CDH8: variants seen among roughly 807,000 people sequenced by gnomAD.
CDH8 encodes cadherin 8.
A neutral mutation model predicts 68.1 loss-of-function variants in CDH8; 17 were observed. That is an observed-to-expected ratio of 0.25 (90% confidence interval 0.17 to 0.37). CDH8 has a LOEUF of 0.37. CDH8 is among the 10% of genes least tolerant of loss of function. CDH8 has a pLI of 1.00. For missense variants in CDH8, 763 were observed against 999.3 expected (o/e 0.76, Z 3.19); for synonymous variants, 372 against 365.1 (o/e 1.02, Z -0.21).
intron 8 of CDH8, among the ~76,000 whole-genome samples, chr16:61,760,208 T>C (rs958937585): frequency 1.3e-5 from 2 of 152,170 alleles, no homozygotes; most frequent in African/African-American, 4.8e-5. Context: ...TTGAACAAAT[T>C]AATTGGTTAC....
chr16:61,985,376 G>A lies in CDH8; in HGVS notation c.252+35776C>T, dbSNP rs188633853. ...CTACATGTCAAGTATTTAGCCACAA[G>A]TAGCTAATTGCTGGCATAGTAGACA... is the stretch of plus-strand genomic sequence containing the variant. On this transcript the variant is annotated intron_variant, in intron 2 of 11. Coordinates refer to ENST00000577390, the MANE Select transcript of CDH8 (RefSeq NM_001796.5). 6.0e-3 allele frequency among the ~76,000 whole-genome samples: 907 copies of A among 152,286 alleles called. 5 individuals carry two copies. The highest frequency in any genetic ancestry group is 9.0e-3 in the Non-Finnish European group (612 of 68,036).
intron 4 of CDH8, among the ~76,000 whole-genome samples, chr16:61,838,872 C>A (rs1450290059): frequency 6.6e-6 from 1 of 152,046 alleles, no homozygotes; most frequent in East Asian, 1.9e-4. Flanking sequence ...ATCATGAAGT[C>A]CCTGAATTGT....
chr16:61,739,901 A>ATATATATATATATATATATC (rs1959813842), intron 8 of CDH8, among the ~76,000 whole-genome samples: 1 of 90,414 alleles, frequency 1.1e-5, no homozygotes, highest in African/African-American at 5.3e-5. Flanking sequence ...ATATATATAT[A>ATATATATATATATATATATC]TATATATATA....
chr16:62,001,407 C>T (rs1216154624), intron 2 of CDH8, among the ~76,000 whole-genome samples: 1 of 152,072 alleles, frequency 6.6e-6, no homozygotes, highest in Non-Finnish European at 1.5e-5. Context: ...AACAGGAGAC[C>T]GGCCCTTCAG....
intron 8 of CDH8, among the ~76,000 whole-genome samples, chr16:61,728,605 A>T (rs186584334): frequency 6.6e-6 from 1 of 151,114 alleles, no homozygotes; most frequent in Non-Finnish European, 1.5e-5. Flanking sequence ...CTAAATAGAC[A>T]TTTAACTTAT....
At chr16:61,760,774 T>C (rs1960445137) in intron 8 of CDH8, among the ~76,000 whole-genome samples, 1 of 152,162 alleles carries the variant, frequency 6.6e-6, no homozygotes, top group South Asian at 2.1e-4. Flanking sequence ...CATGAGGCAG[T>C]ATAAGAAACA....
At chr16:61,730,682 G>T (rs1243265039) in intron 8 of CDH8, among the ~76,000 whole-genome samples, 1 of 151,550 alleles carries the variant, frequency 6.6e-6, no homozygotes, top group Admixed American at 6.6e-5. Flanking sequence ...GATATTTCTA[G>T]ATGTTTCCTC....
chr16:61,755,175 A>T (rs988517366), intron 8 of CDH8, among the ~76,000 whole-genome samples: 1 of 152,198 alleles, frequency 6.6e-6, no homozygotes. Flanking sequence ...GCCTCAGGTA[A>T]ATTCAGGCCC....
chr16:61,664,045 G>C (rs1218994220), intron 10 of CDH8, among the ~76,000 whole-genome samples: 1 of 151,856 alleles, frequency 6.6e-6, no homozygotes, highest in Admixed American at 6.6e-5. Context: ...TTCTCTGTAT[G>C]TTCCAGATAT....
chr16:61,995,407 T>G (rs144912014), intron 2 of CDH8, among the ~76,000 whole-genome samples: 1,831 of 152,230 alleles, frequency 0.012, 42 homozygotes, highest in African/African-American at 0.042. Flanking sequence ...AGATGGAGTC[T>G]CATTCTGTCA....
At chr16:61,865,887 G>A (rs1463462306) in intron 3 of CDH8, among the ~76,000 whole-genome samples, 1 of 152,112 alleles carries the variant, frequency 6.6e-6, no homozygotes, top group African/African-American at 2.4e-5. Flanking sequence ...TTATGCTACT[G>A]GTGGCACCAC....
At position 61,870,906 on chromosome 16, in the gene CDH8, T is replaced by C. The variant is rs1173296625; in HGVS notation, c.548-13668A>G. ...AAATATAAAGGAGCTTCTATGTTTCTGGTACAAGTACTTATTTACTTGATA... is the reference window on the plus strand; with the variant it reads ...AAATATAAAGGAGCTTCTATGTTTCCGGTACAAGTACTTATTTACTTGATA... On this transcript the variant is annotated intron_variant, in intron 3 of 11. Coordinates refer to ENST00000577390, the MANE Select transcript of CDH8 (RefSeq NM_001796.5). 2.0e-5 allele frequency among the ~76,000 whole-genome samples: 3 copies of C among 152,326 alleles called. 1 individual carries two copies. In the East Asian group the frequency reaches 5.8e-4, roughly 29 times the overall value.
chr16:62,015,011 C>A (rs940486699), intron 2 of CDH8, among the ~76,000 whole-genome samples: 2 of 151,812 alleles, frequency 1.3e-5, no homozygotes, highest in Admixed American at 6.6e-5. Context: ...TATACCCCCC[C>A]ACCACAAACA....
chr16:61,652,631 T>C lies in CDH8; in HGVS notation c.*977A>G. The stretch of plus-strand genomic sequence containing the variant: ...ATGTACATGTATTAAACATTCATTG[T>C]ATATATATTTATATAAAACAATCTA... On this transcript the variant is annotated 3_prime_UTR_variant, in exon 12 of 12. Transcript: ENST00000577390. 6 of 1,070,976 alleles carry C rather than the reference T, an allele frequency of 5.6e-6. No individual in the cohort carries two copies. The highest frequency in any genetic ancestry group is 5.9e-6 in the Non-Finnish European group (5 of 851,694). The allele number at this position is 1,070,976 out of a possible 1,614,324, so 66.3% of individuals were successfully genotyped here.
chr16:61,735,363 G>C (rs1959648289), intron 8 of CDH8, among the ~76,000 whole-genome samples: 1 of 150,178 alleles, frequency 6.7e-6, no homozygotes, highest in African/African-American at 2.5e-5. Context: ...CTAGAAAACA[G>C]AGATATGCGA....
intron 3 of CDH8, among the ~76,000 whole-genome samples, chr16:61,884,562 C>G (rs1235946173): frequency 1.3e-5 from 2 of 151,858 alleles, no homozygotes; most frequent in African/African-American, 4.8e-5. Context: ...TTAGTAGAGA[C>G]AGGGTTTCAC....
At chr16:61,669,023 A>T (rs1963738038) in intron 10 of CDH8, among the ~76,000 whole-genome samples, 1 of 152,072 alleles carries the variant, frequency 6.6e-6, no homozygotes, top group African/African-American at 2.4e-5. Context: ...AGAGCTGAAG[A>T]TATGAAAGAA....
intron 2 of CDH8, among the ~76,000 whole-genome samples, chr16:61,912,689 T>C (rs923576665): frequency 3.3e-5 from 5 of 152,150 alleles, no homozygotes; most frequent in Non-Finnish European, 5.9e-5. Context: ...TGACCAGATA[T>C]GATCTTGGGC....
chr16:62,001,300 T>G (rs1224185539), intron 2 of CDH8, among the ~76,000 whole-genome samples: 1 of 152,212 alleles, frequency 6.6e-6, no homozygotes, highest in Non-Finnish European at 1.5e-5. Context: ...AATTTTCACT[T>G]CATCTCCTTT....
Sources: gnomAD v4.1 joint callset for allele counts (sites outside exome capture counted in the v4.1 genomes callset) on GRCh38, gnomAD v4.1.1 for gene constraint, MANE v1.5 for transcripts, NCBI Gene and HGNC (gene_info 2026-07-23, HGNC 2026-07-21) for gene names.